Variants in AP3B1 observed in about 807,000 individuals in gnomAD.
AP3B1 encodes the protein AP-3 complex subunit beta-1.
Under a neutral mutation model 132.5 loss-of-function variants are expected in AP3B1, and 61 were observed. That is an observed-to-expected ratio of 0.46 (90% confidence interval 0.37 to 0.57). AP3B1 has a LOEUF of 0.57. AP3B1 is among the 20% of genes least tolerant of loss of function. The pLI, the probability that AP3B1 is intolerant of heterozygous loss-of-function variation, is 0.00. For synonymous variants in AP3B1, 388 were observed against 438.3 expected, an observed-to-expected ratio of 0.89 and a Z score of 1.43; for missense variants, 1,120 against 1,289.4, an observed-to-expected ratio of 0.87 and a Z score of 2.01.
At chr5:78,225,025 C>A (rs1213842620) in intron 6 of AP3B1, among the ~76,000 whole-genome samples, 1 of 152,014 alleles carries the variant, frequency 6.6e-6, no homozygotes, top group East Asian at 1.9e-4. Flanking sequence ...TGAACATTAT[C>A]CAGGATAGAT....
chr5:78,264,210 T>C (rs1394179568), intron 2 of AP3B1, among the ~76,000 whole-genome samples: 1 of 152,200 alleles, frequency 6.6e-6, no homozygotes, highest in Non-Finnish European at 1.5e-5. Flanking sequence ...AAAATTCACA[T>C]AATTTTTAAA....
At chr5:78,069,944 C>T (rs1749464746) in intron 22 of AP3B1, among the ~76,000 whole-genome samples, 1 of 152,052 alleles carries the variant, frequency 6.6e-6, no homozygotes, top group Non-Finnish European at 1.5e-5. Flanking sequence ...AGAAATAAGA[C>T]CATAAATCTA....
chr5:78,195,826 T>C (rs1745059796), intron 7 of AP3B1, among the ~76,000 whole-genome samples: 2 of 151,446 alleles, frequency 1.3e-5, no homozygotes, highest in Non-Finnish European at 2.9e-5. Context: ...TCTCAAAAAA[T>C]AAAAATAAAA....
intron 2 of AP3B1, among the ~76,000 whole-genome samples, chr5:78,243,966 T>C (rs1237410499): frequency 6.6e-6 from 1 of 152,050 alleles, no homozygotes; most frequent in Non-Finnish European, 1.5e-5. Context: ...GGCTGCAATG[T>C]GAAAAATAGA....
intron 26 of AP3B1, among the ~76,000 whole-genome samples, chr5:78,011,188 G>A (rs375104250): frequency 1.4e-3 from 217 of 151,798 alleles, no homozygotes; most frequent in East Asian, 7.0e-3. Context: ...GATTACAGGC[G>A]CCTGCCACCA....
intron 22 of AP3B1, among the ~76,000 whole-genome samples, chr5:78,079,064 C>G (rs1749879667): frequency 6.6e-6 from 1 of 152,172 alleles, no homozygotes; most frequent in Non-Finnish European, 1.5e-5. Context: ...AGCTAGTATT[C>G]CACCATCTGA....
At chr5:78,286,893 T>C (rs907531273) in intron 1 of AP3B1, among the ~76,000 whole-genome samples, 1 of 152,244 alleles carries the variant, frequency 6.6e-6, no homozygotes, top group African/African-American at 2.4e-5. Context: ...TTCATAATAA[T>C]ATGAAATAGA....
Position 78,271,212 on chromosome 5 carries a change from G to A in AP3B1, c.129-3617C>T, listed in dbSNP as rs142569809. On this transcript the variant is annotated intron_variant, in intron 1 of 26. Coordinates refer to ENST00000255194, the MANE Select transcript of AP3B1 (RefSeq NM_003664.5). ...TGAGGCGAGAGGATCACCTGAGGTC[G>A]GGAGTTTGAGACCAGCCTGACCAAC... 1.1e-3 allele frequency among the ~76,000 whole-genome samples: 160 copies of A among 152,088 alleles called. 1 individual carries two copies. Among genetic ancestry groups the A allele is most frequent in the African/African-American group, 3.7e-3 (155 of 41,478 alleles).
chr5:78,033,413 A>G (rs998211036), intron 24 of AP3B1, among the ~76,000 whole-genome samples: 6 of 152,096 alleles, frequency 3.9e-5, no homozygotes, highest in African/African-American at 1.2e-4. Flanking sequence ...TCGGCAATAA[A>G]AGGTATAACA....
chr5:78,020,781 T>C lies in AP3B1; in HGVS notation c.2903A>G (p.Asp968Gly), dbSNP rs761000168. The C allele has an allele frequency of 1.2e-6, 2 of 1,610,878 alleles. No homozygotes were observed. The highest frequency in any genetic ancestry group is 3.3e-5 in the Admixed American group (2 of 59,940). Residue 968 changes from aspartate (D) to glycine (G), a missense_variant, in exon 25 of 27, where the codon GAT becomes GGT. Physicochemically the swap from Asp to Gly is moderately conservative, Grantham distance 94 (BLOSUM62 -1). Coordinates refer to ENST00000255194, the MANE Select transcript of AP3B1 (RefSeq NM_003664.5). ...QTASFQLCTK[D>G]DCFNVNIQPP... ...CTGAATATTAACATTGAAGCAATCA[T>C]CCTTGGTACTGAAGAAAAACAATCA...
chr5:78,039,419 C>G (rs530259943), intron 22 of AP3B1, 145 bp from the exon 23 acceptor site: 57 of 699,998 alleles, frequency 8.1e-5, no homozygotes, highest in Non-Finnish European at 1.3e-4. Flanking sequence ...TAGGATATCA[C>G]ACACATAGAT....
intron 2 of AP3B1, among the ~76,000 whole-genome samples, chr5:78,244,865 C>T (rs1047096513): frequency 2.0e-5 from 3 of 151,838 alleles, no homozygotes; most frequent in Admixed American, 6.5e-5. Flanking sequence ...TGTGGTGGTA[C>T]GTGCCTGTAA....
At chr5:78,144,935 G>C (rs1227776318) in intron 14 of AP3B1, among the ~76,000 whole-genome samples, 2 of 152,088 alleles carry the variant, frequency 1.3e-5, no homozygotes, top group Non-Finnish European at 2.9e-5. Flanking sequence ...CTGGGCTCAA[G>C]CAATCCTCCC....
intron 6 of AP3B1, among the ~76,000 whole-genome samples, chr5:78,219,465 T>A (rs568214450): frequency 6.6e-6 from 1 of 151,924 alleles, no homozygotes; most frequent in Non-Finnish European, 1.5e-5. Context: ...TAGATGAAAA[T>A]GGTATAAAAT....
intron 23 of AP3B1, among the ~76,000 whole-genome samples, chr5:78,035,499 C>T (rs574320416): frequency 1.8e-4 from 28 of 151,974 alleles, no homozygotes; most frequent in Admixed American, 1.0e-3. Flanking sequence ...ATGCTAACCA[C>T]GACAGAGATG....
intron 6 of AP3B1, among the ~76,000 whole-genome samples, chr5:78,217,165 T>C (rs1745997236): frequency 6.6e-6 from 1 of 152,108 alleles, no homozygotes; most frequent in South Asian, 2.1e-4. Flanking sequence ...AGCAATTAAA[T>C]AGAAATATAA....
intron 2 of AP3B1, among the ~76,000 whole-genome samples, chr5:78,249,804 C>T (rs1747554283): frequency 6.6e-6 from 1 of 151,930 alleles, no homozygotes; most frequent in Non-Finnish European, 1.5e-5. Flanking sequence ...AGGCTGGTCT[C>T]GGAACTCCTT....
chr5:78,075,947 C>T (rs891007727), intron 22 of AP3B1, among the ~76,000 whole-genome samples: 1 of 152,186 alleles, frequency 6.6e-6, no homozygotes, highest in Non-Finnish European at 1.5e-5. Flanking sequence ...TGAAAATCAT[C>T]CTTCTACTTC....
At position 78,038,962 on chromosome 5, in the gene AP3B1, A is replaced by G. The variant is rs1352732197; in HGVS notation, c.2809+81T>C. 1.8e-5 allele frequency: 15 copies of G among 854,634 alleles called. No homozygotes were observed. In the East Asian group the frequency reaches 3.2e-4, roughly 18 times the overall value. The allele number at this position is 854,634 out of a possible 1,614,324, so 52.9% of individuals were successfully genotyped here. The stretch of plus-strand genomic sequence containing the variant: ...ATATTCTACTTTACTATTTTACTAA[A>G]AAGTATTCTACTTTACTTTTAAAAT... On this transcript the variant is annotated intron_variant, in intron 23 of 26. Coordinates refer to ENST00000255194, the MANE Select transcript of AP3B1 (RefSeq NM_003664.5).
Sources: allele counts gnomAD v4.1 joint callset (sites outside exome capture counted in the v4.1 genomes callset), GRCh38; gene constraint gnomAD v4.1.1; transcripts MANE v1.5; gene names NCBI Gene and HGNC (gene_info 2026-07-23, HGNC 2026-07-21).